Variants in CHCHD6 observed in about 807,000 individuals in gnomAD.
CHCHD6 encodes MICOS complex subunit MIC25.
In CHCHD6, 28 loss-of-function variants were observed where a neutral mutation model predicts 32.3. The observed-to-expected ratio is 0.87, with a 90% CI of 0.64 to 1.19. CHCHD6 has a LOEUF of 1.19. Among genes scored for constraint, CHCHD6 ranks in the 50% most tolerant of loss-of-function variants. The pLI is 0.00. For synonymous variants in CHCHD6, 122 were observed against 117.5 expected (o/e 1.04, Z -0.25); for missense variants, 333 against 307.0 (o/e 1.08, Z -0.63).
At chr3:126,754,073 A>G (rs1936849581) in intron 4 of CHCHD6, among the ~76,000 whole-genome samples, 1 of 152,224 alleles carries the variant, frequency 6.6e-6, no homozygotes, top group South Asian at 2.1e-4. Flanking sequence ...TGGTTTGTCC[A>G]CATTAGTCCA....
At chr3:126,827,409 G>T (rs1940441802) in intron 4 of CHCHD6, among the ~76,000 whole-genome samples, 1 of 152,208 alleles carries the variant, frequency 6.6e-6, no homozygotes, top group Non-Finnish European at 1.5e-5. Context: ...TAGAAAGAAT[G>T]ATTCAGGAGT....
At chr3:126,876,325 G>A (rs970427525) in intron 5 of CHCHD6, among the ~76,000 whole-genome samples, 5 of 152,204 alleles carry the variant, frequency 3.3e-5, no homozygotes, top group Non-Finnish European at 5.9e-5. Flanking sequence ...GCAAGGCATT[G>A]GGAAGAAGAG....
intron 4 of CHCHD6, among the ~76,000 whole-genome samples, chr3:126,814,318 A>G (rs1226399677): frequency 6.6e-6 from 1 of 152,208 alleles, no homozygotes; most frequent in Non-Finnish European, 1.5e-5. Flanking sequence ...TGATATTTTG[A>G]AATACATATT....
At chr3:126,826,778 CTACT>C (rs1373555472) in intron 4 of CHCHD6, among the ~76,000 whole-genome samples, 2 of 152,170 alleles carry the variant, frequency 1.3e-5, no homozygotes, top group African/African-American at 2.4e-5. Flanking sequence ...TAGGAATCTA[CTACT>C]AAGGCCTCCT....
intron 6 of CHCHD6, among the ~76,000 whole-genome samples, chr3:126,942,226 C>T (rs2078571120): frequency 6.6e-6 from 1 of 152,162 alleles, no homozygotes; most frequent in Non-Finnish European, 1.5e-5. Context: ...CTGACCTAGA[C>T]CTGGTCACAT....
At chr3:126,818,985 A>C (rs764213673) in intron 4 of CHCHD6, among the ~76,000 whole-genome samples, 19 of 152,194 alleles carry the variant, frequency 1.2e-4, no homozygotes, top group Non-Finnish European at 2.4e-4. Context: ...GGTCAGCTTG[A>C]AGCTGCCAGA....
intron 6 of CHCHD6, among the ~76,000 whole-genome samples, chr3:126,939,543 C>T (rs2078529998): frequency 6.6e-6 from 1 of 152,170 alleles, no homozygotes. Flanking sequence ...GGACACAGTA[C>T]ACCAGCAGCA....
chr3:126,953,950 G>T (rs1303126584), intron 6 of CHCHD6, among the ~76,000 whole-genome samples: 3 of 152,172 alleles, frequency 2.0e-5, no homozygotes, highest in Admixed American at 6.5e-5. Flanking sequence ...GCCAGGGCTG[G>T]GAGGGGTTCA....
intron 4 of CHCHD6, among the ~76,000 whole-genome samples, chr3:126,818,133 G>T (rs904364823): frequency 4.6e-5 from 7 of 152,148 alleles, no homozygotes; most frequent in African/African-American, 1.7e-4. Flanking sequence ...TTTTTAGGTA[G>T]CTCTTTCTGG....
chr3:126,720,055 AT>A, intron 1 of CHCHD6, among the ~76,000 whole-genome samples: 1 of 151,816 alleles, frequency 6.6e-6, no homozygotes, highest in Admixed American at 6.6e-5. Flanking sequence ...TAATTTTTGT[AT>A]TTTTAGTAGA....
chr3:126,805,112 C>T (rs954080759), intron 4 of CHCHD6, among the ~76,000 whole-genome samples: 2 of 152,090 alleles, frequency 1.3e-5, no homozygotes, highest in Non-Finnish European at 2.9e-5. Flanking sequence ...TGGGCAAAAA[C>T]TGGAAGCATT....
chr3:126,893,821 A>G (rs892810031), intron 5 of CHCHD6, among the ~76,000 whole-genome samples: 50 of 152,348 alleles, frequency 3.3e-4, no homozygotes, highest in Non-Finnish European at 6.2e-4. Flanking sequence ...AGACCACTCA[A>G]AAACAGGTGC....
intron 4 of CHCHD6, chr3:126,780,399 C>T (rs1034053202): frequency 2.5e-6 from 1 of 402,140 alleles, no homozygotes; most frequent in Non-Finnish European, 4.9e-6. Flanking sequence ...TCCATCACTC[C>T]AATCTTCCAG....
intron 6 of CHCHD6, chr3:126,949,749 G>C (rs890667162): frequency 5.3e-6 from 1 of 190,308 alleles, no homozygotes; most frequent in Non-Finnish European, 1.1e-5. Flanking sequence ...TTGGATAGAA[G>C]GGAAGGGTGC....
At chr3:126,916,400 TA>T (rs11338384) in intron 6 of CHCHD6, among the ~76,000 whole-genome samples, 121,651 of 139,832 alleles carry the variant, frequency 0.87, 52,713 homozygotes, top group East Asian at 0.98. Context: ...GAATCCATCT[TA>T]AAAAAAAAAA....
At chr3:126,953,101 A>G in intron 6 of CHCHD6, 2 of 985,452 alleles carry the variant, frequency 2.0e-6, no homozygotes, top group Non-Finnish European at 2.4e-6. Context: ...CATCCTCTCA[A>G]CAGCTCTGTG....
At chr3:126,950,623 G>T (rs570438003) in intron 6 of CHCHD6, among the ~76,000 whole-genome samples, 1 of 152,306 alleles carries the variant, frequency 6.6e-6, no homozygotes, top group East Asian at 1.9e-4. Context: ...GCTAATTTGT[G>T]TATTTTTAGT....
At chr3:126,839,923 A>G (rs968532760) in intron 4 of CHCHD6, among the ~76,000 whole-genome samples, 1 of 152,064 alleles carries the variant, frequency 6.6e-6, no homozygotes, top group African/African-American at 2.4e-5. Context: ...CATCACCTGG[A>G]TGGAAACCCT....
intron 4 of CHCHD6, among the ~76,000 whole-genome samples, chr3:126,771,825 G>A (rs1937548219): frequency 1.3e-5 from 2 of 152,118 alleles, no homozygotes; most frequent in Admixed American, 1.3e-4. Flanking sequence ...GAGAGATTCT[G>A]GTATGTTGTA....
Sources: allele counts gnomAD v4.1 joint callset (sites outside exome capture counted in the v4.1 genomes callset), GRCh38; gene constraint gnomAD v4.1.1; transcripts MANE v1.5; gene names NCBI Gene and HGNC (gene_info 2026-07-23, HGNC 2026-07-21).